HEATR5A: variants seen among roughly 807,000 people sequenced by gnomAD.
HEATR5A encodes HEAT repeat-containing protein 5A.
HEATR5A carries 178 observed loss-of-function variants against 218.8 expected under a neutral mutation model. The observed-to-expected ratio is 0.81, with a 90% CI of 0.72 to 0.92. HEATR5A has a LOEUF of 0.92. Among genes scored for constraint, HEATR5A ranks in the 40% least tolerant of loss-of-function variants. The pLI is 0.00. For synonymous variants in HEATR5A, 864 were observed against 871.6 expected (o/e 0.99, Z 0.15); for missense variants, 2,420 against 2,418.9 (o/e 1.00, Z -0.01).
At chr14:31,323,154 C>T (rs1900163409) in intron 24 of HEATR5A, among the ~76,000 whole-genome samples, 1 of 152,100 alleles carries the variant, frequency 6.6e-6, no homozygotes, top group Non-Finnish European at 1.5e-5. Flanking sequence ...TGCATTGCAC[C>T]TGCTCATTAA....
At chr14:31,340,323 C>A in intron 21 of HEATR5A, 1 of 449,728 alleles carries the variant, frequency 2.2e-6, no homozygotes, top group Non-Finnish European at 4.0e-6. Flanking sequence ...ACATACTGGA[C>A]TTAGCATTAA....
At chr14:31,322,796 G>C (rs1473976089) in intron 24 of HEATR5A, among the ~76,000 whole-genome samples, 1 of 145,702 alleles carries the variant, frequency 6.9e-6, no homozygotes, top group Non-Finnish European at 1.5e-5. Context: ...TCCAGCCTGG[G>C]TGACAGAGTG....
At chr14:31,378,661 G>A (rs966573487) in intron 11 of HEATR5A, among the ~76,000 whole-genome samples, 14 of 151,660 alleles carry the variant, frequency 9.2e-5, no homozygotes, top group African/African-American at 2.7e-4. Context: ...GGTGGTGGGC[G>A]CCTGTAGTCC....
chr14:31,390,246 C>G (rs1322904755), intron 6 of HEATR5A, among the ~76,000 whole-genome samples: 2 of 152,000 alleles, frequency 1.3e-5, no homozygotes, highest in Non-Finnish European at 2.9e-5. Context: ...GATATAGGAC[C>G]TTGTAGGTCA....
At chr14:31,353,965 AT>A (rs937492227) in intron 16 of HEATR5A, among the ~76,000 whole-genome samples, 1 of 151,194 alleles carries the variant, frequency 6.6e-6, no homozygotes, top group African/African-American at 2.4e-5. Flanking sequence ...CACCTGGCTA[AT>A]TTTTTTTTAT....
chr14:31,405,352 C>T (rs539903671), intron 1 of HEATR5A, among the ~76,000 whole-genome samples: 1 of 151,946 alleles, frequency 6.6e-6, no homozygotes, highest in African/African-American at 2.4e-5. Flanking sequence ...GAGTATCGCT[C>T]GAGCCCTGAA....
chr14:31,373,921 A>G (rs1225602293), intron 12 of HEATR5A, among the ~76,000 whole-genome samples: 2 of 152,094 alleles, frequency 1.3e-5, no homozygotes, highest in Non-Finnish European at 2.9e-5. Flanking sequence ...TGAATAGTAA[A>G]TATATTTTCT....
chr14:31,308,076 T>C (rs1566748374), intron 29 of HEATR5A, 56 bp from the exon 30 acceptor site: 52 of 1,459,598 alleles, frequency 3.6e-5, no homozygotes, highest in Non-Finnish European at 4.8e-5. Context: ...GTTTATGAAA[T>C]TAAGTAATTA....
chr14:31,303,881 G>A (rs1318478350), intron 32 of HEATR5A, among the ~76,000 whole-genome samples: 1 of 152,114 alleles, frequency 6.6e-6, no homozygotes, highest in Non-Finnish European at 1.5e-5. Context: ...GATTAGCAGA[G>A]CTACACAGAG....
chr14:31,327,147 G>C (rs998614233), intron 22 of HEATR5A, among the ~76,000 whole-genome samples: 3 of 151,348 alleles, frequency 2.0e-5, no homozygotes, highest in Non-Finnish European at 4.4e-5. Context: ...GCTAATTTTT[G>C]TATTTTTAGT....
chr14:31,296,248 C>T, intron 33 of HEATR5A, 185 bp from the exon 34 acceptor site: 1 of 478,484 alleles, frequency 2.1e-6, no homozygotes, highest in South Asian at 3.8e-5. Flanking sequence ...GAGCTAAGAA[C>T]TACCAAAGTA....
At chr14:31,383,097 G>A (rs2030061330) in intron 10 of HEATR5A, among the ~76,000 whole-genome samples, 2 of 152,050 alleles carry the variant, frequency 1.3e-5, no homozygotes, top group South Asian at 4.2e-4. Context: ...TGTACAAAAG[G>A]AGGATGTAAG....
intron 21 of HEATR5A, among the ~76,000 whole-genome samples, chr14:31,342,150 G>T (rs1356845124): frequency 6.6e-6 from 1 of 152,150 alleles, no homozygotes; most frequent in Non-Finnish European, 1.5e-5. Flanking sequence ...ACTTTGTGGG[G>T]CTGAGGCAGG....
In HEATR5A at chr14:31,306,872, C is replaced by A. The variant is rs1198185176; in HGVS notation, c.4826G>T (p.Gly1609Val). ...ATGTAGAACATTCAGCAATTCTATA[C>A]CCAAGTCCTATCATGGAAATCATGT... ...RSKIGSDQDL[G>V]IELLNVLHRV... Residue 1609 changes from glycine to valine, a missense_variant, in exon 31 of 36, where the codon GGT becomes GTT. Transcript: ENST00000543095. 4.4e-6 allele frequency: 7 copies of A among 1,603,854 alleles called. No individual in the cohort carries two copies. The South Asian group carries it at 6.7e-5, about 15-fold the overall frequency.
At chr14:31,373,431 C>G (rs143243944) in intron 12 of HEATR5A, among the ~76,000 whole-genome samples, 1 of 151,372 alleles carries the variant, frequency 6.6e-6, no homozygotes, top group African/African-American at 2.4e-5. Context: ...CGGGTTCAAA[C>G]GATTCTCCTG....
chr14:31,374,791 A>T (rs1322615516), intron 12 of HEATR5A, 25 bp downstream of exon 12: 1 of 1,588,368 alleles, frequency 6.3e-7, no homozygotes, highest in Non-Finnish European at 8.5e-7. Context: ...AAGGAAAGGG[A>T]GAGAAAAGAC....
chr14:31,359,099 T>G, intron 14 of HEATR5A, 42 bp from the exon 15 acceptor site: 1 of 1,556,970 alleles, frequency 6.4e-7, no homozygotes, highest in Non-Finnish European at 8.7e-7. Context: ...CTATTAATTA[T>G]CTGGTGAGAG....
chr14:31,411,588 C>T (rs1029623957), intron 1 of HEATR5A, among the ~76,000 whole-genome samples: 38 of 152,122 alleles, frequency 2.5e-4, no homozygotes, highest in African/African-American at 8.9e-4. Context: ...TTGGGAAATG[C>T]CTCGTTGTCA....
chr14:31,347,004 C>G (rs1409177303), intron 19 of HEATR5A, among the ~76,000 whole-genome samples: 1 of 152,114 alleles, frequency 6.6e-6, no homozygotes, highest in African/African-American at 2.4e-5. Flanking sequence ...TGTTCTTGAT[C>G]TGATTCCATG....
Sources: gnomAD v4.1 joint callset for allele counts (sites outside exome capture counted in the v4.1 genomes callset) on GRCh38, gnomAD v4.1.1 for gene constraint, MANE v1.5 for transcripts, NCBI Gene and HGNC (gene_info 2026-07-23, HGNC 2026-07-21) for gene names.